Variants in CEP83 observed in about 807,000 individuals in gnomAD.
The protein encoded by CEP83 is centrosomal protein of 83 kDa.
CEP83 carries 70 observed loss-of-function variants against 101.9 expected under a neutral mutation model. The observed-to-expected ratio is 0.69, with a 90% CI of 0.57 to 0.84. CEP83 has a LOEUF of 0.84. CEP83 is among the 40% of genes least tolerant of loss of function. The pLI is 0.00. For synonymous variants in CEP83, 264 were observed against 267.9 expected (o/e 0.99, Z 0.14); for missense variants, 715 against 787.2 (o/e 0.91, Z 1.10).
chr12:94,267,198 T>TC, the CEP83 span, among the ~76,000 whole-genome samples: 1 of 152,080 alleles, frequency 6.6e-6, no homozygotes, highest in African/African-American at 2.4e-5. Flanking sequence ...CTCCAGCATT[T>TC]CAGTCATGAG....
At chr12:94,294,137 A>G in the CEP83 span, among the ~76,000 whole-genome samples, 4 of 152,162 alleles carry the variant, frequency 2.6e-5, no homozygotes, top group Non-Finnish European at 1.5e-5. Flanking sequence ...ACCTCTGCGA[A>G]TTGGGGGGAA....
chr12:94,374,274 C>T (rs1422987786), intron 8 of CEP83, among the ~76,000 whole-genome samples: 1 of 151,956 alleles, frequency 6.6e-6, no homozygotes, highest in East Asian at 1.9e-4. Context: ...ACTTGGTGGC[C>T]CCCCCAAGAG....
intron 11 of CEP83, among the ~76,000 whole-genome samples, chr12:94,349,492 C>T (rs999966965): frequency 6.6e-6 from 1 of 152,026 alleles, no homozygotes; most frequent in African/African-American, 2.4e-5. Context: ...CCTAATAATA[C>T]ACCATATTAA....
intron 6 of CEP83, among the ~76,000 whole-genome samples, chr12:94,398,464 T>G (rs962324683): frequency 3.3e-5 from 5 of 152,186 alleles, no homozygotes; most frequent in African/African-American, 1.2e-4. Flanking sequence ...ATTAATACTT[T>G]TATCATTTCT....
intron 11 of CEP83, among the ~76,000 whole-genome samples, chr12:94,338,968 T>G (rs2059565985): frequency 6.6e-6 from 1 of 151,848 alleles, no homozygotes; most frequent in South Asian, 2.1e-4. Flanking sequence ...TCTTTTTTTT[T>G]TTTTCTTTTT....
the CEP83 span, among the ~76,000 whole-genome samples, chr12:94,284,999 C>T: frequency 6.6e-6 from 1 of 152,168 alleles, no homozygotes; most frequent in Non-Finnish European, 1.5e-5. Flanking sequence ...AGCAATAATG[C>T]AGTGGCTCTG....
chr12:94,353,103 G>A (rs2060278665), intron 11 of CEP83, among the ~76,000 whole-genome samples: 2 of 151,986 alleles, frequency 1.3e-5, no homozygotes, highest in Admixed American at 1.3e-4. Context: ...CAAGAAAAAA[G>A]CATCAAGTCA....
At chr12:94,394,025 A>G (rs1313628027) in intron 6 of CEP83, among the ~76,000 whole-genome samples, 2 of 152,372 alleles carry the variant, frequency 1.3e-5, no homozygotes, top group Admixed American at 6.5e-5. Flanking sequence ...GGAAGAATCA[A>G]TATCGTGAAA....
At chr12:94,395,177 G>A (rs912156751) in intron 6 of CEP83, among the ~76,000 whole-genome samples, 13 of 151,580 alleles carry the variant, frequency 8.6e-5, no homozygotes, top group Middle Eastern at 3.2e-3. Flanking sequence ...ACACACTGGG[G>A]CCTGTCAGGG....
rs2136266090 is a variant in CEP83, at chr12:94,308,880, T to C, written c.2039A>G (p.Lys680Arg). ...TGTTGTTTCCAGTTCTTCTAGTCTT[T>C]TGCGAAGTAGAGAGAGTTCCCTTTG... ...QHQRELSLLR[K>R]RLEELETTQR... Residue 680 changes from lysine to arginine, a missense_variant, in exon 17 of 17, where the codon AAA becomes AGA. Physicochemically the swap from Lys to Arg is conservative, Grantham distance 26 (BLOSUM62 2). Coordinates refer to ENST00000397809, the MANE Select transcript of CEP83 (RefSeq NM_016122.3). 6.2e-7 allele frequency: 1 copy of C among 1,612,820 alleles called. No homozygotes were observed. Among genetic ancestry groups the C allele is most frequent in the South Asian group, 1.1e-5 (1 of 91,042 alleles).
chr12:94,399,416 G>A (rs2063114732), intron 6 of CEP83, among the ~76,000 whole-genome samples: 1 of 152,148 alleles, frequency 6.6e-6, no homozygotes, highest in Non-Finnish European at 1.5e-5. Flanking sequence ...CATTTAAAAT[G>A]AAGAAAATAA....
At chr12:94,431,190 G>A (rs992571022) in intron 2 of CEP83, among the ~76,000 whole-genome samples, 2 of 152,136 alleles carry the variant, frequency 1.3e-5, no homozygotes, top group Non-Finnish European at 2.9e-5. Context: ...ACATACATTT[G>A]GGAAAGAATG....
At chr12:94,449,212 C>T (rs939246273) in intron 1 of CEP83, among the ~76,000 whole-genome samples, 2 of 151,724 alleles carry the variant, frequency 1.3e-5, no homozygotes, top group African/African-American at 2.4e-5. Context: ...TACAAATTAC[C>T]AAAACTCTAG....
chr12:94,356,427 G>A (rs982598256), intron 11 of CEP83, among the ~76,000 whole-genome samples: 41 of 152,144 alleles, frequency 2.7e-4, no homozygotes, highest in African/African-American at 9.4e-4. Flanking sequence ...TGACCCCCCA[G>A]ATCTTTCTTT....
At chr12:94,393,464 T>C (rs941965186) in intron 6 of CEP83, among the ~76,000 whole-genome samples, 1 of 152,188 alleles carries the variant, frequency 6.6e-6, no homozygotes, top group African/African-American at 2.4e-5. Context: ...TAGGTATTGA[T>C]GGAACGTATC....
intron 1 of CEP83, among the ~76,000 whole-genome samples, chr12:94,439,454 G>GA (rs1307682000): frequency 2.0e-5 from 3 of 151,028 alleles, no homozygotes. Flanking sequence ...TTCCTGAAAA[G>GA]ATACAACCCT....
At chr12:94,370,695 A>T (rs1011832420) in intron 8 of CEP83, among the ~76,000 whole-genome samples, 3 of 152,176 alleles carry the variant, frequency 2.0e-5, no homozygotes, top group African/African-American at 7.2e-5. Context: ...TTCCTTTTAA[A>T]AAGTGTCCAC....
the CEP83 span, among the ~76,000 whole-genome samples, chr12:94,272,825 C>T: frequency 0.01 from 1,554 of 152,300 alleles, 11 homozygotes; most frequent in Admixed American, 0.014. Context: ...GCTCCAGATT[C>T]AGTGGGTTCT....
At chr12:94,455,974 C>T (rs376596956) in intron 1 of CEP83, among the ~76,000 whole-genome samples, 81 of 151,148 alleles carry the variant, frequency 5.4e-4, no homozygotes, top group African/African-American at 1.4e-3. Flanking sequence ...CGTGAACCCA[C>T]GAGTTCAAGG....
Sources: gnomAD v4.1 joint callset for allele counts (sites outside exome capture counted in the v4.1 genomes callset) on GRCh38, gnomAD v4.1.1 for gene constraint, MANE v1.5 for transcripts, NCBI Gene and HGNC (gene_info 2026-07-23, HGNC 2026-07-21) for gene names.